The following NT5C1B variants were observed in gnomAD, a reference collection of about 807,000 sequenced individuals.
The protein encoded by NT5C1B is cytosolic 5'-nucleotidase 1B.
In NT5C1B, 44 loss-of-function variants were observed where a neutral mutation model predicts 57.8. The observed-to-expected ratio is 0.76, with a 90% CI of 0.60 to 0.98. NT5C1B has a LOEUF of 0.98. Ranked by LOEUF, NT5C1B falls within the 50% of genes least tolerant of loss-of-function variation. The probability of loss-of-function intolerance (pLI) is 0.00; values close to 1 mark genes in which losing one functional copy is unlikely to be tolerated. For synonymous variants in NT5C1B, 284 were observed against 282.6 expected (o/e 1.00, Z -0.05); for missense variants, 742 against 719.5 (o/e 1.03, Z -0.36).
At chr2:18,567,569 A>G (rs930994760) in intron 8 of NT5C1B, among the ~76,000 whole-genome samples, 1 of 152,216 alleles carries the variant, frequency 6.6e-6, no homozygotes, top group African/African-American at 2.4e-5. Context: ...CCCTCTGGTA[A>G]GCCAGTTTGC....
At chr2:18,564,245 G>A in intron 8 of NT5C1B, 126 bp from the exon 9 acceptor site, 3 of 1,094,618 alleles carry the variant, frequency 2.7e-6, no homozygotes, top group African/African-American at 1.6e-5. Flanking sequence ...GCAGTGTTAT[G>A]AAGCTGATGG....
exon 8 of NT5C1B, chr2:18,576,187 A>T (rs759363476): frequency 1.2e-6 from 2 of 1,609,842 alleles, no homozygotes; most frequent in African/African-American, 2.7e-5. Context: ...AACCTACCTG[A>T]GCAAGAGGCT....
At chr2:18,572,213 G>C (rs1665271273) in intron 8 of NT5C1B, among the ~76,000 whole-genome samples, 1 of 151,914 alleles carries the variant, frequency 6.6e-6, no homozygotes, top group African/African-American at 2.4e-5. Flanking sequence ...AATAATGCTT[G>C]AACAATTAAG....
At chr2:18,574,271 A>G (rs1312303530) in intron 8 of NT5C1B, among the ~76,000 whole-genome samples, 1 of 152,166 alleles carries the variant, frequency 6.6e-6, no homozygotes. Context: ...ACAATCCAAT[A>G]TCAAATTTTA....
In NT5C1B at chr2:18,589,436, C is replaced by T; in HGVS notation, c.30+3G>A. ...AAGATTCTAAGACACTCGGTTCACT[C>T]ACCTTTTTCTGTTTGAGAGATGTTT... is the stretch of plus-strand genomic sequence containing the variant. On this transcript the variant is annotated splice_donor_region_variant and intron_variant, in intron 1 of 8. Coordinates refer to ENST00000304081, the Ensembl canonical transcript of NT5C1B. 1.2e-6 allele frequency: 2 copies of T among 1,614,076 alleles called. No homozygotes were observed. The highest frequency in any genetic ancestry group is 1.7e-5 in the Admixed American group (1 of 60,018).
chr2:18,567,806 T>C (rs958020798), intron 8 of NT5C1B, among the ~76,000 whole-genome samples: 2 of 152,150 alleles, frequency 1.3e-5, no homozygotes, highest in Non-Finnish European at 2.9e-5. Context: ...GTCACAAATA[T>C]AACAGAGGGA....
intron 8 of NT5C1B, among the ~76,000 whole-genome samples, chr2:18,565,470 A>G (rs1343698417): frequency 6.6e-6 from 1 of 152,162 alleles, no homozygotes; most frequent in East Asian, 1.9e-4. Context: ...AGAATCCATG[A>G]TTTACATATA....
chr2:18,576,471 A>G, intron 7 of NT5C1B, 103 bp from the exon 8 acceptor site: 5 of 1,430,582 alleles, frequency 3.5e-6, no homozygotes, highest in Non-Finnish European at 4.6e-6. Context: ...TTTTCTCTCT[A>G]GCTATTACCT....
intron 8 of NT5C1B, among the ~76,000 whole-genome samples, chr2:18,565,189 C>T (rs370511648): frequency 6.6e-6 from 1 of 151,984 alleles, no homozygotes; most frequent in Non-Finnish European, 1.5e-5. Context: ...ACCTTCTTTC[C>T]CCATATTTTT....
chr2:18,573,632 T>A (rs1337437622), intron 8 of NT5C1B, among the ~76,000 whole-genome samples: 1 of 152,092 alleles, frequency 6.6e-6, no homozygotes, highest in Non-Finnish European at 1.5e-5. Context: ...TCCCATTTGC[T>A]GGTGAGTTTC....
At chr2:18,578,160 C>T (rs961089104) in intron 6 of NT5C1B, among the ~76,000 whole-genome samples, 22 of 152,198 alleles carry the variant, frequency 1.4e-4, no homozygotes, top group African/African-American at 5.3e-4. Flanking sequence ...AGCCCTGGAC[C>T]AGATGGATCC....
intron 8 of NT5C1B, among the ~76,000 whole-genome samples, chr2:18,575,247 A>G (rs1318563661): frequency 6.6e-6 from 1 of 152,102 alleles, no homozygotes; most frequent in East Asian, 1.9e-4. Context: ...TTGTTAATAC[A>G]GAACTTTATA....
Position 18,584,153 on chromosome 2 carries a change from T to A in NT5C1B, c.826A>T (p.Met276Leu). The change falls in exon 5 of 9, where the codon ATG (methionine) becomes TTG (leucine). Residue 276 changes from methionine to leucine, a missense_variant. Coordinates refer to ENST00000304081, the Ensembl canonical transcript of NT5C1B. The surrounding 1 kb of genome is among the most constrained non-coding windows in gnomAD (Gnocchi z 5.8). ...TTCTCATTGGTGAGCTGATACTCCATGTACTTTTCCAGACCCTCTTGCTCG... is the reference window on the plus strand; with the variant it reads ...TTCTCATTGGTGAGCTGATACTCCAAGTACTTTTCCAGACCCTCTTGCTCG... 6.2e-7 allele frequency: 1 copy of A among 1,614,166 alleles called. No homozygotes were observed. The highest frequency in any genetic ancestry group is 8.5e-7 in the Non-Finnish European group (1 of 1,180,040).
chr2:18,567,742 A>G (rs1291682201), intron 8 of NT5C1B, among the ~76,000 whole-genome samples: 2 of 152,332 alleles, frequency 1.3e-5, no homozygotes, highest in East Asian at 3.9e-4. Flanking sequence ...AAACAAAATG[A>G]ACAATCTACT....
At chr2:18,586,658 C>T in intron 2 of NT5C1B, 1 of 588,348 alleles carries the variant, frequency 1.7e-6, no homozygotes. Flanking sequence ...ACTGTGACTC[C>T]TCTTATGTGG....
At position 18,584,341 on chromosome 2, in the gene NT5C1B, G is replaced by C. The variant is rs139818103; in HGVS notation, c.724-86C>G. The C allele has an allele frequency of 6.7e-4, 1,052 of 1,562,594 alleles. 5 individuals are homozygous for C. In the African/African-American group the frequency reaches 0.013, roughly 19 times the overall value. On this transcript the variant is annotated intron_variant, in intron 4 of 8. Transcript: ENST00000304081. This position sits in a 1 kb window ranked among gnomAD's most constrained non-coding sequence, Gnocchi z 5.8. ...GCTCCTCCAGGGTAGGGTGAGAGTAGGACAGCGGGCCCCTGCTTGGAGAAG... is the reference window on the plus strand; with the variant it reads ...GCTCCTCCAGGGTAGGGTGAGAGTACGACAGCGGGCCCCTGCTTGGAGAAG...
At chr2:18,582,824 C>T (rs1263931432) in intron 6 of NT5C1B, 44 bp downstream of exon 6, 1 of 1,593,844 alleles carries the variant, frequency 6.3e-7, no homozygotes, top group Non-Finnish European at 8.6e-7. Context: ...TTCTCTCTTT[C>T]AGAGCGGAGA....
At chr2:18,588,439 A>T (rs764296683) in intron 1 of NT5C1B, among the ~76,000 whole-genome samples, 9 of 152,132 alleles carry the variant, frequency 5.9e-5, no homozygotes, top group Non-Finnish European at 1.3e-4. Flanking sequence ...TGCAGGAAAA[A>T]TCTCATCAAT....
exon 3 of NT5C1B, chr2:18,586,297 G>A (rs777458620): frequency 1.9e-6 from 3 of 1,614,128 alleles, no homozygotes; most frequent in Non-Finnish European, 2.5e-6. Context: ...TATGGATGGA[G>A]CCTTGGTGGA....
Sources: gnomAD v4.1 joint callset for allele counts (sites outside exome capture counted in the v4.1 genomes callset) on GRCh38, gnomAD v4.1.1 for gene constraint, Gnocchi (gnomAD v3.1) non-coding constraint, MANE v1.5 for transcripts, NCBI Gene and HGNC (gene_info 2026-07-23, HGNC 2026-07-21) for gene names.